Variants in ZNF791 observed in about 807,000 individuals in gnomAD.
The protein encoded by ZNF791 is zinc finger protein 791.
In ZNF791, 4 loss-of-function variants were observed where a neutral mutation model predicts 11.5. That is an observed-to-expected ratio of 0.35 (90% CI 0.17 to 0.80). ZNF791 has a LOEUF of 0.80. Ranked by LOEUF, ZNF791 falls within the 30% of genes least tolerant of loss-of-function variation. The pLI is 0.53. For synonymous variants in ZNF791, 212 were observed against 228.1 expected, an observed-to-expected ratio of 0.93 and a Z score of 0.64; for missense variants, 559 against 699.4, an observed-to-expected ratio of 0.80 and a Z score of 2.26.
intron 1 of ZNF791, 87 bp from the exon 2 acceptor site, chr19:12,623,613 A>C: frequency 6.3e-7 from 1 of 1,580,172 alleles, no homozygotes; most frequent in Non-Finnish European, 8.6e-7. Flanking sequence ...TGGAGACCAC[A>C]AAATCGTGTG....
At position 12,621,705 on chromosome 19, in the gene ZNF791, C is replaced by A. The variant is rs570087626; in HGVS notation, c.4-1995C>A. On this transcript the variant is annotated intron_variant, in intron 1 of 3. Transcript: ENST00000343325. ...CTCAATGTGTATTTACTTATTAAAACCTCCACCTCGGTGGGGGGTCAGCCC... is the reference window on the plus strand; with the variant it reads ...CTCAATGTGTATTTACTTATTAAAAACTCCACCTCGGTGGGGGGTCAGCCC... Among the ~76,000 whole-genome samples the A allele has an allele frequency of 1.3e-3, 131 of 102,834 alleles. 3 individuals are homozygous for A. Among genetic ancestry groups the A allele is most frequent in the Non-Finnish European group, 2.3e-3 (95 of 40,506 alleles). The allele number at this position is 102,834 out of a possible 152,430, so 67.5% of individuals were successfully genotyped here. A position where few individuals can be genotyped will look rare whatever the true frequency, so the allele number is the denominator to read the frequency against.
At chr19:12,613,513 G>A (rs1482984570) in intron 1 of ZNF791, among the ~76,000 whole-genome samples, 5 of 152,048 alleles carry the variant, frequency 3.3e-5, no homozygotes, top group African/African-American at 9.7e-5. Flanking sequence ...CCTGGGAGGC[G>A]GAGCTTGCAG....
chr19:12,620,770 T>TC (rs1465483751), intron 1 of ZNF791, among the ~76,000 whole-genome samples: 6 of 142,248 alleles, frequency 4.2e-5, no homozygotes, highest in Non-Finnish European at 3.1e-5. Flanking sequence ...TTTTTTTTTT[T>TC]TTTTTTTTGA....
intron 1 of ZNF791, among the ~76,000 whole-genome samples, chr19:12,616,804 C>T (rs2023250282): frequency 9.0e-6 from 1 of 110,684 alleles, no homozygotes; most frequent in Non-Finnish European, 2.2e-5. Context: ...TATTTTTATT[C>T]TTTTAACACT....
At chr19:12,622,915 GAA>G (rs34647509) in intron 1 of ZNF791, among the ~76,000 whole-genome samples, 29 of 143,818 alleles carry the variant, frequency 2.0e-4, no homozygotes, top group African/African-American at 7.2e-4. Context: ...AAAAAAGAAA[GAA>G]AAAAAACCCA....
chr19:12,616,526 G>C (rs1308224416), intron 1 of ZNF791, among the ~76,000 whole-genome samples: 1 of 152,074 alleles, frequency 6.6e-6, no homozygotes, highest in Admixed American at 6.6e-5. Flanking sequence ...AGCTGCCAAG[G>C]GATCGGAGAA....
intron 1 of ZNF791, 90 bp from the exon 2 acceptor site, chr19:12,623,610 C>A: frequency 6.4e-7 from 1 of 1,567,780 alleles, no homozygotes; most frequent in Non-Finnish European, 8.7e-7. Flanking sequence ...GTTTGGAGAC[C>A]ACAAAATCGT....
At chr19:12,622,907 AAAAG>A (rs918792083) in intron 1 of ZNF791, among the ~76,000 whole-genome samples, 4 of 97,564 alleles carry the variant, frequency 4.1e-5, no homozygotes, top group African/African-American at 6.6e-5. Context: ...AAAAAAAAAA[AAAAG>A]AAAGAAAAAA....
intron 1 of ZNF791, among the ~76,000 whole-genome samples, chr19:12,617,064 C>T (rs888635671): frequency 2.0e-5 from 3 of 151,542 alleles, no homozygotes; most frequent in African/African-American, 7.3e-5. Context: ...ATTTTTGTTG[C>T]ATTCCACAAA....
intron 2 of ZNF791, 52 bp downstream of exon 2, chr19:12,623,878 G>GT (rs762386861): frequency 2.2e-6 from 2 of 917,852 alleles, no homozygotes; most frequent in Non-Finnish European, 3.2e-6. Context: ...TTTGGGGGGG[G>GT]ACAGAGTTTC....
chr19:12,623,705 A>C lies in ZNF791; in HGVS notation c.9A>C (p.Ser3=), dbSNP rs777551591. Residue 3 remains serine (S), a synonymous_variant, in exon 2 of 4, where the codon TCA becomes TCC. Coordinates refer to ENST00000343325, the MANE Select transcript of ZNF791 (RefSeq NM_153358.3). ...ACTTATATTGGATGTTTCAGGACTC[A>C]GTGGCTTTTGAGGATGTGTCTGTGA... The part of the protein sequence containing the change: MD[S]VAFEDVSVSF... 3.6e-5 allele frequency: 58 copies of C among 1,614,004 alleles called. No homozygotes were observed. Among genetic ancestry groups the C allele is most frequent in the Non-Finnish European group, 4.9e-5 (58 of 1,180,024 alleles).
chr19:12,623,557 C>A (rs1599325318), intron 1 of ZNF791, 143 bp from the exon 2 acceptor site: 1 of 1,029,700 alleles, frequency 9.7e-7, no homozygotes, highest in African/African-American at 1.6e-5. Context: ...TTTATGTGTT[C>A]AATGTGCTGT....
chr19:12,627,105 C>T (rs1330316595), intron 3 of ZNF791, among the ~76,000 whole-genome samples: 4 of 147,838 alleles, frequency 2.7e-5, no homozygotes, highest in African/African-American at 5.0e-5. Context: ...TGATTGAGCC[C>T]GGGAGGTCAA....
chr19:12,625,743 C>T (rs1466767392), intron 3 of ZNF791, among the ~76,000 whole-genome samples: 3 of 148,242 alleles, frequency 2.0e-5, no homozygotes, highest in African/African-American at 7.4e-5. Context: ...CCAGATCGCA[C>T]CACTACACTC....
At chr19:12,625,618 C>G (rs560967309) in intron 3 of ZNF791, among the ~76,000 whole-genome samples, 2 of 149,370 alleles carry the variant, frequency 1.3e-5, no homozygotes, top group Admixed American at 6.7e-5. Context: ...AAACCTGTCT[C>G]TACTAAAAAT....
chr19:12,626,012 TTTTTG>T (rs762660325), intron 3 of ZNF791, among the ~76,000 whole-genome samples: 1 of 151,234 alleles, frequency 6.6e-6, no homozygotes, highest in Non-Finnish European at 1.5e-5. Context: ...ACTGGGTTAA[TTTTTG>T]TTTTGTTTTG....
rs61407340 is a variant in ZNF791, at chr19:12,629,822, C to CAA, written c.*563_*564insAA. On this transcript the variant is annotated 3_prime_UTR_variant, in exon 4 of 4. Coordinates refer to ENST00000343325, the MANE Select transcript of ZNF791 (RefSeq NM_153358.3). Reference sequence around the variant, plus strand: ...GCATAAACCCAGGAGGCCGAGCTGACAGTGAGCTGAGATCCGGCCAACAGA... The same window carrying CAA: ...GCATAAACCCAGGAGGCCGAGCTGACAAAGTGAGCTGAGATCCGGCCAACAGA... 34,801 of 139,052 alleles carry CAA rather than the reference C, an allele frequency of 0.25. 4,589 individuals are homozygous for CAA. Among genetic ancestry groups the CAA allele is most frequent in the Non-Finnish European group, 0.29 (19,287 of 66,096 alleles). 8.6% of individuals were successfully genotyped at this position (139,052 alleles called of 1,614,324 possible).
intron 1 of ZNF791, among the ~76,000 whole-genome samples, chr19:12,618,556 A>G (rs2023282223): frequency 6.6e-6 from 1 of 151,818 alleles, no homozygotes; most frequent in Non-Finnish European, 1.5e-5. Flanking sequence ...TGAGGCTAGG[A>G]GTTCAAGACC....
chr19:12,623,418 G>GA (rs564695885), intron 1 of ZNF791: 483 of 375,164 alleles, frequency 1.3e-3, no homozygotes, highest in Middle Eastern at 3.1e-3. Context: ...CAAAAAGGAA[G>GA]AAAAAAAAAT....
Sources: gnomAD v4.1 joint callset for allele counts (sites outside exome capture counted in the v4.1 genomes callset) on GRCh38, gnomAD v4.1.1 for gene constraint, MANE v1.5 for transcripts, NCBI Gene and HGNC (gene_info 2026-07-23, HGNC 2026-07-21) for gene names.